Variants in TRERF1 observed in about 807,000 individuals in gnomAD.
The protein encoded by TRERF1 is transcriptional-regulating factor 1.
Under a neutral mutation model 122.9 loss-of-function variants are expected in TRERF1, and 27 were observed. That is an observed-to-expected ratio of 0.22 (90% CI 0.16 to 0.30). The LOEUF (loss-of-function observed/expected upper bound fraction) is 0.30, where lower values mean the gene tolerates loss of function less well. Ranked by LOEUF, TRERF1 falls within the 10% of genes least tolerant of loss-of-function variation. The probability of loss-of-function intolerance (pLI) is 1.00; values close to 1 mark genes in which losing one functional copy is unlikely to be tolerated. For missense variants in TRERF1, 1,248 were observed against 1,560.3 expected (o/e 0.80, Z 3.37); for synonymous variants, 636 against 641.7 (o/e 0.99, Z 0.13).
At chr6:42,230,214 A>G (rs1213072880) in intron 17 of TRERF1, among the ~76,000 whole-genome samples, 1 of 152,220 alleles carries the variant, frequency 6.6e-6, no homozygotes, top group African/African-American at 2.4e-5. Context: ...TGTAACAAAC[A>G]TAATTTCAGC....
intron 2 of TRERF1, among the ~76,000 whole-genome samples, chr6:42,404,216 G>C (rs1225245591): frequency 1.3e-5 from 2 of 152,038 alleles, no homozygotes; most frequent in South Asian, 2.1e-4. Context: ...CATGTCAAAA[G>C]GTAATCTCAG....
At chr6:42,381,306 T>G (rs965007684) in intron 2 of TRERF1, among the ~76,000 whole-genome samples, 1 of 151,404 alleles carries the variant, frequency 6.6e-6, no homozygotes, top group Admixed American at 6.6e-5. Flanking sequence ...CGTCTCAGTA[T>G]TTGGTGGTTC....
At chr6:42,408,202 T>TATAA (rs1174128042) in intron 2 of TRERF1, among the ~76,000 whole-genome samples, 1 of 79,178 alleles carries the variant, frequency 1.3e-5, no homozygotes, top group Non-Finnish European at 2.8e-5. Context: ...AACTTCGCTA[T>TATAA]ATAAATAAAT....
intron 2 of TRERF1, among the ~76,000 whole-genome samples, chr6:42,372,451 C>A (rs1375686513): frequency 6.6e-6 from 1 of 152,168 alleles, no homozygotes; most frequent in African/African-American, 2.4e-5. Context: ...CTTCCCCCCA[C>A]AGGACCATTC....
intron 2 of TRERF1, among the ~76,000 whole-genome samples, chr6:42,407,678 C>T (rs954639079): frequency 2.6e-5 from 4 of 152,032 alleles, no homozygotes; most frequent in African/African-American, 4.8e-5. Context: ...TCCACCGCAA[C>T]GCATTTCCTC....
chr6:42,282,058 C>A (rs1307679567), intron 4 of TRERF1, among the ~76,000 whole-genome samples: 1 of 152,208 alleles, frequency 6.6e-6, no homozygotes, highest in Non-Finnish European at 1.5e-5. Context: ...CCAGGCTGAA[C>A]TACTGCCCTC....
intron 3 of TRERF1, 57 bp downstream of exon 3, chr6:42,362,940 G>A (rs1488441517): frequency 6.5e-6 from 1 of 153,728 alleles, no homozygotes. Context: ...CCAAGAAATG[G>A]TCTTACGACT....
At chr6:42,391,768 A>C (rs896553817) in intron 2 of TRERF1, among the ~76,000 whole-genome samples, 8 of 152,142 alleles carry the variant, frequency 5.3e-5, no homozygotes, top group African/African-American at 1.9e-4. Context: ...GGGCCCTCAG[A>C]ACATGGAGCA....
chr6:42,434,056 A>T (rs554553975), intron 2 of TRERF1, among the ~76,000 whole-genome samples: 26 of 152,244 alleles, frequency 1.7e-4, no homozygotes, highest in Non-Finnish European at 2.6e-4. Context: ...AACTGAATAG[A>T]TGTGCTTGAC....
At chr6:42,315,709 C>T (rs1055315052) in intron 3 of TRERF1, among the ~76,000 whole-genome samples, 23 of 147,472 alleles carry the variant, frequency 1.6e-4, no homozygotes, top group Non-Finnish European at 2.3e-4. Flanking sequence ...GAACACCACC[C>T]CCCCCCCCAC....
At chr6:42,339,580 G>T (rs1215304382) in intron 3 of TRERF1, among the ~76,000 whole-genome samples, 1 of 152,164 alleles carries the variant, frequency 6.6e-6, no homozygotes, top group Non-Finnish European at 1.5e-5. Flanking sequence ...TTACTTCTTG[G>T]ATTACTTTTC....
intron 3 of TRERF1, among the ~76,000 whole-genome samples, chr6:42,318,393 T>C (rs56811802): frequency 0.067 from 10,164 of 152,180 alleles, 861 homozygotes; most frequent in African/African-American, 0.19. Flanking sequence ...TGGACTGACA[T>C]AGACAAAATT....
At chr6:42,341,880 T>A (rs1170833474) in intron 3 of TRERF1, among the ~76,000 whole-genome samples, 1 of 152,246 alleles carries the variant, frequency 6.6e-6, no homozygotes, top group Admixed American at 6.5e-5. Flanking sequence ...GCATAATGAA[T>A]GTTCAATATC....
At chr6:42,375,295 C>A (rs1229009395) in intron 2 of TRERF1, among the ~76,000 whole-genome samples, 2 of 152,174 alleles carry the variant, frequency 1.3e-5, no homozygotes, top group Non-Finnish European at 2.9e-5. Context: ...AGAGATCCTG[C>A]AGAATTGGAT....
chr6:42,225,123 GA>G (rs2149438559), downstream of TRERF1: 1 of 145,068 alleles, frequency 6.9e-6, no homozygotes, highest in South Asian at 2.1e-4. Context: ...TTCCCTTTTT[GA>G]AGAAGCATTG....
intron 3 of TRERF1, among the ~76,000 whole-genome samples, chr6:42,348,545 G>A (rs377365208): frequency 3.2e-4 from 48 of 152,194 alleles, no homozygotes; most frequent in African/African-American, 1.1e-3. Flanking sequence ...GAGCCATCGT[G>A]CCTGGCCTCC....
At chr6:42,261,026 C>G (rs905934741) in intron 8 of TRERF1, among the ~76,000 whole-genome samples, 2 of 152,074 alleles carry the variant, frequency 1.3e-5, no homozygotes, top group African/African-American at 4.8e-5. Flanking sequence ...ACCCCCGCCC[C>G]CACCCCTCCC....
chr6:42,440,657 T>C (rs1786344107), intron 2 of TRERF1, among the ~76,000 whole-genome samples: 1 of 152,194 alleles, frequency 6.6e-6, no homozygotes, highest in African/African-American at 2.4e-5. Flanking sequence ...TGACTCACAA[T>C]ATGTTACCAA....
chr6:42,352,734 G>C (rs1411814116), intron 3 of TRERF1, among the ~76,000 whole-genome samples: 1 of 151,990 alleles, frequency 6.6e-6, no homozygotes, highest in Non-Finnish European at 1.5e-5. Context: ...TATAATAACT[G>C]GGGGGGAAAG....
Sources: allele counts gnomAD v4.1 joint callset (sites outside exome capture counted in the v4.1 genomes callset), GRCh38; gene constraint gnomAD v4.1.1; transcripts MANE v1.5; gene names NCBI Gene and HGNC (gene_info 2026-07-23, HGNC 2026-07-21).